ALDH1A2: variants seen among roughly 807,000 people sequenced by gnomAD.
ALDH1A2 encodes the protein aldehyde dehydrogenase 1 family member A2.
ALDH1A2 carries 27 observed loss-of-function variants against 60.3 expected under a neutral mutation model. The ratio of observed to expected loss-of-function variants is 0.45; its 90% confidence interval spans 0.33 to 0.62. ALDH1A2 has a LOEUF of 0.62. Among genes scored for constraint, ALDH1A2 ranks in the 20% least tolerant of loss-of-function variants. The pLI is 0.02. For synonymous variants in ALDH1A2, 289 were observed against 232.4 expected, an observed-to-expected ratio of 1.24 and a Z score of -2.21; for missense variants, 581 against 643.8, an observed-to-expected ratio of 0.90 and a Z score of 1.06.
intron 4 of ALDH1A2, among the ~76,000 whole-genome samples, chr15:57,998,620 A>G (rs1338959400): frequency 1.3e-5 from 2 of 152,182 alleles, no homozygotes; most frequent in African/African-American, 2.4e-5. Flanking sequence ...GAAAATGGCT[A>G]TAATGCCCAA....
At chr15:57,996,299 C>A (rs1467863448) in intron 4 of ALDH1A2, among the ~76,000 whole-genome samples, 1 of 120,614 alleles carries the variant, frequency 8.3e-6, no homozygotes, top group Non-Finnish European at 1.9e-5. Context: ...AAGTCTTGGC[C>A]TCTCTCTCTC....
At chr15:58,040,899 T>G (rs1226152438) in intron 1 of ALDH1A2, among the ~76,000 whole-genome samples, 2 of 151,910 alleles carry the variant, frequency 1.3e-5, no homozygotes, top group African/African-American at 4.8e-5. Context: ...GTTTATAGAT[T>G]AGGAAAGTCA....
intron 12 of ALDH1A2, among the ~76,000 whole-genome samples, chr15:57,958,236 CAAGCTCT>C: frequency 1.1e-5 from 1 of 93,594 alleles, no homozygotes; most frequent in South Asian, 2.8e-4. Flanking sequence ...ATAAATTTGA[CAAGCTCT>C]GATTTAGAGT....
At chr15:57,965,022 AAAAG>A (rs1191865931) in intron 8 of ALDH1A2, among the ~76,000 whole-genome samples, 2 of 152,090 alleles carry the variant, frequency 1.3e-5, no homozygotes. Context: ...GGAAAAAAAA[AAAAG>A]AATCACTGAA....
intron 1 of ALDH1A2, among the ~76,000 whole-genome samples, chr15:58,056,406 T>A (rs1047021468): frequency 3.3e-5 from 5 of 152,154 alleles, no homozygotes; most frequent in Admixed American, 6.6e-5. Flanking sequence ...CATTTGTCTT[T>A]ATTATTGTCC....
At chr15:57,992,082 C>A (rs1215812173) in intron 7 of ALDH1A2, among the ~76,000 whole-genome samples, 2 of 152,140 alleles carry the variant, frequency 1.3e-5, no homozygotes, top group East Asian at 1.9e-4. Flanking sequence ...ATTTGTAATC[C>A]ATACAAATTA....
At chr15:58,025,855 C>T (rs1301903581) in intron 1 of ALDH1A2, among the ~76,000 whole-genome samples, 4 of 152,104 alleles carry the variant, frequency 2.6e-5, no homozygotes, top group African/African-American at 9.7e-5. Flanking sequence ...AGAGGAAATG[C>T]CAGACTTCTT....
At chr15:57,990,477 G>C (rs1432609874) in intron 7 of ALDH1A2, 1 of 152,208 alleles carries the variant, frequency 6.6e-6, no homozygotes, top group African/African-American at 2.4e-5. Context: ...TGATGCAAGA[G>C]TATTCTATGC....
intron 1 of ALDH1A2, among the ~76,000 whole-genome samples, chr15:58,050,649 C>T (rs145967456): frequency 2.6e-5 from 4 of 152,184 alleles, no homozygotes; most frequent in African/African-American, 7.2e-5. Context: ...CTTCATCAAC[C>T]GGAATATTAA....
At position 57,953,609 on chromosome 15, in the gene ALDH1A2, G is replaced by C. The variant is rs575979289; in HGVS notation, c.*1588C>G. 1.3e-5 allele frequency: 2 copies of C among 152,684 alleles called. No homozygotes were observed. Among genetic ancestry groups the C allele is most frequent in the Admixed American group, 6.5e-5 (1 of 15,272 alleles). The allele number at this position is 152,684 out of a possible 1,614,324, so 9.5% of individuals were successfully genotyped here. On this transcript the variant is annotated 3_prime_UTR_variant, in exon 13 of 13. Transcript: ENST00000249750. ...TTCACATGGAAGCACTCAGAAATAC[G>C]GCATCTGTCAGGGCTCACGGCACTG...
chr15:57,973,568 A>T (rs1044891223), intron 7 of ALDH1A2, among the ~76,000 whole-genome samples: 2 of 152,236 alleles, frequency 1.3e-5, no homozygotes, highest in Non-Finnish European at 2.9e-5. Flanking sequence ...AGAAGTAAAT[A>T]ACTACAGCTG....
intron 1 of ALDH1A2, among the ~76,000 whole-genome samples, chr15:58,021,553 G>C (rs1408695241): frequency 3.3e-5 from 5 of 152,178 alleles, no homozygotes; most frequent in African/African-American, 1.2e-4. Flanking sequence ...CTAACACAGG[G>C]AGCTGCCAAG....
At chr15:57,988,107 A>C (rs976224653) in intron 7 of ALDH1A2, among the ~76,000 whole-genome samples, 2 of 152,210 alleles carry the variant, frequency 1.3e-5, no homozygotes, top group Non-Finnish European at 2.9e-5. Flanking sequence ...TTCTTATTCA[A>C]AAAACAAATT....
chr15:58,033,881 A>T (rs1896310362), intron 1 of ALDH1A2, among the ~76,000 whole-genome samples: 1 of 149,298 alleles, frequency 6.7e-6, no homozygotes, highest in Non-Finnish European at 1.5e-5. Flanking sequence ...TACTATCTTA[A>T]TTACTGTAGC....
intron 1 of ALDH1A2, among the ~76,000 whole-genome samples, chr15:58,021,042 T>C (rs1196803443): frequency 3.9e-5 from 6 of 152,198 alleles, no homozygotes; most frequent in Non-Finnish European, 7.4e-5. Flanking sequence ...TGTTTAATAG[T>C]AGCATAGCTA....
rs61170362 is a variant in ALDH1A2 at position 57,974,432 on chromosome 15, C to CAAA, written c.799-8608_799-8606dup. Among the ~76,000 whole-genome samples the CAAA allele has an allele frequency of 4.2e-3, 403 of 96,624 alleles. 7 individuals are homozygous for CAAA. The highest frequency in any genetic ancestry group is 0.016 in the African/African-American group (351 of 22,052). The allele number at this position is 96,624 out of a possible 152,430, so 63.4% of individuals were successfully genotyped here. On this transcript the variant is annotated intron_variant, in intron 7 of 12. Transcript: ENST00000249750. ...TGGGTGACAGAGCGAGACTCCATCT[C>CAAA]AAAAAAAAAAAAAAAAAAAAAGAAA...
intron 1 of ALDH1A2, among the ~76,000 whole-genome samples, chr15:58,021,407 G>A (rs1311150162): frequency 6.6e-6 from 1 of 152,174 alleles, no homozygotes; most frequent in Non-Finnish European, 1.5e-5. Context: ...CCCTGACTGG[G>A]ATCAGCTGGG....
intron 1 of ALDH1A2, among the ~76,000 whole-genome samples, chr15:58,044,149 C>T (rs143989044): frequency 6.6e-6 from 1 of 152,054 alleles, no homozygotes; most frequent in African/African-American, 2.4e-5. Flanking sequence ...TATCATGATG[C>T]TTCTTTTTTA....
intron 4 of ALDH1A2, among the ~76,000 whole-genome samples, chr15:58,008,590 G>C (rs1273884102): frequency 1.3e-5 from 2 of 152,110 alleles, no homozygotes; most frequent in African/African-American, 4.8e-5. Flanking sequence ...GCCAAATAGA[G>C]ATCTATGTGC....
Sources: gnomAD v4.1 joint callset for allele counts (sites outside exome capture counted in the v4.1 genomes callset) on GRCh38, gnomAD v4.1.1 for gene constraint, MANE v1.5 for transcripts, NCBI Gene and HGNC (gene_info 2026-07-23, HGNC 2026-07-21) for gene names.